Variants in SUMF1 observed in about 807,000 individuals in gnomAD.
SUMF1 encodes sulfatase modifying factor 1.
A neutral mutation model predicts 47.6 loss-of-function variants in SUMF1; 48 were observed. The observed-to-expected ratio is 1.01, with a 90% CI of 0.80 to 1.28. The LOEUF is 1.28. Ranked by LOEUF, SUMF1 falls within the 50% of genes most tolerant of loss-of-function variation. SUMF1 has a pLI of 0.00. For synonymous variants in SUMF1, 230 were observed against 192.1 expected (o/e 1.20, Z -1.63); for missense variants, 571 against 485.4 (o/e 1.18, Z -1.66).
At chr3:4,339,059 TA>T (rs1277517573) in intron 8 of SUMF1, among the ~76,000 whole-genome samples, 1 of 152,146 alleles carries the variant, frequency 6.6e-6, no homozygotes, top group East Asian at 1.9e-4. Flanking sequence ...GGGACCTTAA[TA>T]CCTTCCACAA....
intron 8 of SUMF1, among the ~76,000 whole-genome samples, chr3:4,297,308 C>T (rs1697872747): frequency 6.6e-6 from 1 of 152,162 alleles, no homozygotes; most frequent in Non-Finnish European, 1.5e-5. Context: ...GATCAATTAC[C>T]ATGCTTCTTT....
intron 8 of SUMF1, among the ~76,000 whole-genome samples, chr3:4,247,335 A>G (rs185852113): frequency 6.6e-6 from 1 of 152,264 alleles, no homozygotes; most frequent in African/African-American, 2.4e-5. Flanking sequence ...AACAGCAAAA[A>G]CCATTAATTC....
rs569414811 is a variant in SUMF1 at position 4,290,583 on chromosome 3, C to T, written c.1014+85747G>A. Among the ~76,000 whole-genome samples, 13 of 152,208 alleles carry T rather than the reference C, an allele frequency of 8.5e-5. No homozygotes were observed. In the South Asian group the frequency reaches 2.7e-3, roughly 32 times the overall value. The stretch of plus-strand genomic sequence containing the variant: ...TTCCCTTCCCCTCCAGGTCTTCTGC[C>T]CCAAATCTACATCTTCAAATACTAC... On this transcript the variant is annotated intron_variant and NMD_transcript_variant, in intron 8 of 12. Transcript: ENST00000448413.
At chr3:4,381,232 C>G (rs984746487) in intron 7 of SUMF1, among the ~76,000 whole-genome samples, 1 of 152,126 alleles carries the variant, frequency 6.6e-6, no homozygotes, top group Non-Finnish European at 1.5e-5. Context: ...TGTAGTAACT[C>G]AGGAATGGAA....
chr3:4,363,419 T>G (rs910478671), intron 8 of SUMF1, among the ~76,000 whole-genome samples: 14 of 152,096 alleles, frequency 9.2e-5, no homozygotes, highest in Non-Finnish European at 1.9e-4. Context: ...TTTGTAGTTC[T>G]CCTTGAAGAG....
chr3:4,236,184 C>A (rs313635), intron 8 of SUMF1, among the ~76,000 whole-genome samples: 28,078 of 151,868 alleles, frequency 0.18, 3,139 homozygotes, highest in South Asian at 0.38. Context: ...GATCCTTCCA[C>A]CTAGATAGTA....
chr3:4,345,197 A>G (rs1238946282), intron 8 of SUMF1, among the ~76,000 whole-genome samples: 1 of 152,094 alleles, frequency 6.6e-6, no homozygotes, highest in Non-Finnish European at 1.5e-5. Flanking sequence ...CTATTAAGAT[A>G]CTCCATGAGA....
intron 8 of SUMF1, among the ~76,000 whole-genome samples, chr3:4,213,271 G>T (rs1193217457): frequency 6.6e-6 from 1 of 152,142 alleles, no homozygotes; most frequent in African/African-American, 2.4e-5. Context: ...CATTCTTAAA[G>T]AAAAGAATTT....
intron 3 of SUMF1, among the ~76,000 whole-genome samples, chr3:4,431,662 C>T: frequency 6.6e-6 from 1 of 152,194 alleles, no homozygotes; most frequent in East Asian, 1.9e-4. Context: ...AACATCATGG[C>T]CCTCTGCCCT....
chr3:4,308,489 A>G (rs1280391846), intron 8 of SUMF1, among the ~76,000 whole-genome samples: 1 of 152,240 alleles, frequency 6.6e-6, no homozygotes, highest in Non-Finnish European at 1.5e-5. Context: ...AATTGAAAGA[A>G]GCCAATATTT....
chr3:4,369,018 CA>C (rs1367277803), intron 8 of SUMF1, among the ~76,000 whole-genome samples: 19 of 151,304 alleles, frequency 1.3e-4, no homozygotes, highest in African/African-American at 2.9e-4. Context: ...AATTTGGACT[CA>C]GGGGGAAGAT....
rs1702923320 is a variant in SUMF1 at position 4,450,209 on chromosome 3, AGTT to A, written c.445-872_445-870del. Among the ~76,000 whole-genome samples, 4 of 152,264 alleles carry A rather than the reference AGTT, an allele frequency of 2.6e-5. No individual in the cohort carries two copies. The South Asian group carries it at 8.3e-4, about 32-fold the overall frequency. On this transcript the variant is annotated intron_variant, in intron 2 of 8. Transcript: ENST00000272902. Reference sequence around the variant, plus strand: ...CTGTGTGTGTAAATAGCACACAGCTAGTTGTTCTAATACAAGTAGTTCAAGAGA... The same window carrying A: ...CTGTGTGTGTAAATAGCACACAGCTAGTTCTAATACAAGTAGTTCAAGAGA...
chr3:4,144,654 C>G (rs1376413871), intron 8 of SUMF1, among the ~76,000 whole-genome samples: 4 of 152,106 alleles, frequency 2.6e-5, no homozygotes, highest in Non-Finnish European at 4.4e-5. Context: ...CTCCAAAACA[C>G]AAATAACCTG....
intron 9 of SUMF1, among the ~76,000 whole-genome samples, chr3:4,042,961 A>C (rs1413088344): frequency 6.6e-6 from 1 of 152,060 alleles, no homozygotes; most frequent in Non-Finnish European, 1.5e-5. Flanking sequence ...TCCCAGAATC[A>C]TTCACTGCCC....
intron 8 of SUMF1, among the ~76,000 whole-genome samples, chr3:4,195,842 C>A (rs1294858563): frequency 6.6e-6 from 1 of 152,002 alleles, no homozygotes; most frequent in Admixed American, 6.6e-5. Context: ...AATCCTATAG[C>A]TTTCATCTCC....
intron 7 of SUMF1, among the ~76,000 whole-genome samples, chr3:4,396,974 A>G (rs936468650): frequency 6.6e-6 from 1 of 152,234 alleles, no homozygotes; most frequent in Non-Finnish European, 1.5e-5. Flanking sequence ...GAGAAAACAC[A>G]TATCACATTA....
intron 8 of SUMF1, among the ~76,000 whole-genome samples, chr3:4,167,860 C>T (rs1055161664): frequency 6.6e-6 from 1 of 152,168 alleles, no homozygotes; most frequent in African/African-American, 2.4e-5. Flanking sequence ...GAGCAGGCAT[C>T]TCTTTGTCAC....
At chr3:4,134,567 G>C (rs1693874690) in intron 8 of SUMF1, among the ~76,000 whole-genome samples, 3 of 152,060 alleles carry the variant, frequency 2.0e-5, no homozygotes, top group Admixed American at 2.0e-4. Context: ...AACTAGAGAA[G>C]CAAGAGCAAA....
At chr3:4,117,620 T>A (rs889142061) in intron 8 of SUMF1, among the ~76,000 whole-genome samples, 1 of 152,098 alleles carries the variant, frequency 6.6e-6, no homozygotes, top group African/African-American at 2.4e-5. Flanking sequence ...ATTCACCACC[T>A]CTCTGAGTTT....
Sources: allele counts gnomAD v4.1 joint callset (sites outside exome capture counted in the v4.1 genomes callset), GRCh38; gene constraint gnomAD v4.1.1; transcripts MANE v1.5; gene names NCBI Gene and HGNC (gene_info 2026-07-23, HGNC 2026-07-21).